Variants in CLASP2 observed in about 807,000 individuals in gnomAD.
CLASP2 encodes CLIP-associating protein 2.
In CLASP2, 47 loss-of-function variants were observed where a neutral mutation model predicts 194.4. The observed-to-expected ratio is 0.24, with a 90% CI of 0.19 to 0.31. CLASP2 has a LOEUF of 0.31. CLASP2 is among the 10% of genes least tolerant of loss of function. The pLI is 1.00. For missense variants in CLASP2, 1,445 were observed against 1,823.6 expected (o/e 0.79, Z 3.78); for synonymous variants, 619 against 633.5 (o/e 0.98, Z 0.34).
At chr3:33,716,622 C>G (rs1559727840) in intron 1 of CLASP2, among the ~76,000 whole-genome samples, 1 of 152,182 alleles carries the variant, frequency 6.6e-6, no homozygotes, top group African/African-American at 2.4e-5. Context: ...GTAAATTTAG[C>G]TTGTTTCTTC....
chr3:33,515,593 G>A (rs1173038457), intron 36 of CLASP2, among the ~76,000 whole-genome samples: 2 of 152,146 alleles, frequency 1.3e-5, no homozygotes, highest in African/African-American at 4.8e-5. Context: ...AGGCTGCAGT[G>A]AGCTGTGATC....
intron 1 of CLASP2, among the ~76,000 whole-genome samples, chr3:33,705,109 C>A (rs937556638): frequency 1.3e-5 from 2 of 152,142 alleles, no homozygotes; most frequent in Admixed American, 1.3e-4. Flanking sequence ...ATGTTCACTG[C>A]AGCATTATTC....
intron 20 of CLASP2, 133 bp from the exon 21 acceptor site, chr3:33,592,629 T>C: frequency 1.3e-6 from 1 of 753,884 alleles, no homozygotes; most frequent in Non-Finnish European, 2.2e-6. Flanking sequence ...CGGGTTCTAT[T>C]TCTCTTAAAA....
At chr3:33,587,595 G>C (rs1230059434) in intron 21 of CLASP2, among the ~76,000 whole-genome samples, 1 of 152,156 alleles carries the variant, frequency 6.6e-6, no homozygotes, top group Admixed American at 6.5e-5. Context: ...TTTACTGTCT[G>C]TATAGAAGGA....
Position 33,606,777 on chromosome 3 carries a change from A to T in CLASP2, c.1527-19T>A, listed in dbSNP as rs1260584223. 1 of 1,568,508 alleles carries T rather than the reference A, an allele frequency of 6.4e-7. No individual in the cohort carries two copies. The highest frequency in any genetic ancestry group is 1.8e-5 in the Admixed American group (1 of 55,012). ...GTATGTCCTGTTAAAAAAAAAGAAAAGCAGATGAAGTAATAGCTTTACATA... is the reference window on the plus strand; with the variant it reads ...GTATGTCCTGTTAAAAAAAAAGAAATGCAGATGAAGTAATAGCTTTACATA... On this transcript the variant is annotated intron_variant, in intron 15 of 38. Coordinates refer to ENST00000682230, the MANE Select transcript of CLASP2 (RefSeq NM_001365631.1).
chr3:33,497,424 A>G lies in CLASP2; in HGVS notation c.*1207T>C, dbSNP rs1171833655. 6.6e-6 allele frequency: 1 copy of G among 152,626 alleles called. No homozygotes were observed. Among genetic ancestry groups the G allele is most frequent in the Non-Finnish European group, 1.5e-5 (1 of 68,040 alleles). 9.5% of individuals were successfully genotyped at this position (152,626 alleles called of 1,614,324 possible). On this transcript the variant is annotated 3_prime_UTR_variant, in exon 39 of 39. Coordinates refer to ENST00000682230, the MANE Select transcript of CLASP2 (RefSeq NM_001365631.1). ...TAATTTTTGAGTCGGCTGCACATGAAAAGAATGGGTGTAGCAAGAGGTGAT... is the reference window on the plus strand; with the variant it reads ...TAATTTTTGAGTCGGCTGCACATGAGAAGAATGGGTGTAGCAAGAGGTGAT...
chr3:33,589,561 A>T (rs907984787), intron 21 of CLASP2, among the ~76,000 whole-genome samples: 24 of 152,186 alleles, frequency 1.6e-4, no homozygotes, highest in Non-Finnish European at 5.9e-5. Flanking sequence ...ATTCAAATAA[A>T]TAAGCAAGCA....
At chr3:33,505,904 A>T (rs1317778766) in intron 37 of CLASP2, among the ~76,000 whole-genome samples, 1 of 152,186 alleles carries the variant, frequency 6.6e-6, no homozygotes, top group Non-Finnish European at 1.5e-5. Flanking sequence ...AAATTAAAAA[A>T]ATTATCCAGG....
At chr3:33,708,520 A>G (rs1301700797) in intron 1 of CLASP2, among the ~76,000 whole-genome samples, 10 of 114,954 alleles carry the variant, frequency 8.7e-5, no homozygotes, top group African/African-American at 3.3e-4. Context: ...ATATATGTAT[A>G]TATGTATATA....
intron 34 of CLASP2, among the ~76,000 whole-genome samples, chr3:33,526,398 T>C (rs534067612): frequency 3.3e-5 from 5 of 152,248 alleles, no homozygotes; most frequent in Admixed American, 2.0e-4. Context: ...CATTACATAA[T>C]GGAAAAGGGT....
chr3:33,577,225 G>C (rs2065088454), intron 23 of CLASP2: 6 of 1,597,886 alleles, frequency 3.8e-6, no homozygotes, highest in Non-Finnish European at 4.2e-6. Flanking sequence ...CACTTCGGGG[G>C]CGTAGAGGGC....
chr3:33,656,023 A>G (rs1001772773), intron 7 of CLASP2, among the ~76,000 whole-genome samples: 13 of 152,168 alleles, frequency 8.5e-5, no homozygotes, highest in Non-Finnish European at 1.3e-4. Flanking sequence ...TAATAATCCT[A>G]CAGGTTTTTA....
Position 33,632,318 on chromosome 3 carries a change from C to T in CLASP2, c.916G>A (p.Ala306Thr). The change falls in exon 9 of 39, where the codon GCT (alanine) becomes ACT (threonine). Residue 306 changes from alanine (A) to threonine (T), a missense_variant. Physicochemically the swap from Ala to Thr is moderately conservative, Grantham distance 58. Transcript: ENST00000682230. The part of the protein sequence containing the change: ...GAVDEDDFIK[A>T]FTDVPSIQIY... Reference sequence around the variant, plus strand: ...TGAATAGAAGGGACATCTGTAAAAGCTTTTATAAAATCATCTTCATCAACT... The same window carrying T: ...TGAATAGAAGGGACATCTGTAAAAGTTTTTATAAAATCATCTTCATCAACT... The T allele has an allele frequency of 6.2e-7, 1 of 1,605,750 alleles. No individual in the cohort carries two copies. Among genetic ancestry groups the T allele is most frequent in the Non-Finnish European group, 8.5e-7 (1 of 1,176,494 alleles).
intron 24 of CLASP2, 67 bp from the exon 25 acceptor site, chr3:33,573,421 T>C (rs1281656084): frequency 6.7e-7 from 1 of 1,498,082 alleles, no homozygotes; most frequent in East Asian, 2.3e-5. Flanking sequence ...TAATTTCTAC[T>C]GACCACAAAA....
At chr3:33,514,630 C>G in intron 36 of CLASP2, 1 of 297,966 alleles carries the variant, frequency 3.4e-6, no homozygotes, top group Non-Finnish European at 7.0e-6. Context: ...CCTTACAGAA[C>G]TAAAAGTAGA....
At chr3:33,608,744 CTTTTTT>C (rs766687478) in intron 13 of CLASP2, 118 bp from the exon 14 acceptor site, 162 of 159,688 alleles carry the variant, frequency 1.0e-3, no homozygotes, top group Middle Eastern at 2.5e-3. Flanking sequence ...TTTTAGATAT[CTTTTTT>C]TTTTTTTTTT....
intron 9 of CLASP2, among the ~76,000 whole-genome samples, chr3:33,628,368 T>C (rs568298170): frequency 6.6e-6 from 1 of 152,224 alleles, no homozygotes; most frequent in African/African-American, 2.4e-5. Flanking sequence ...TGCATTCCCC[T>C]GGAACACAAT....
chr3:33,538,014 G>A (rs1023347512), intron 33 of CLASP2, among the ~76,000 whole-genome samples: 8 of 152,074 alleles, frequency 5.3e-5, no homozygotes, highest in Admixed American at 6.6e-5. Context: ...GGTGGCGGGC[G>A]CCTGTAGTCC....
Position 33,596,753 on chromosome 3 carries a change from C to A in CLASP2, c.1925-19G>T. 1.3e-6 allele frequency: 2 copies of A among 1,551,902 alleles called. No individual in the cohort carries two copies. The highest frequency in any genetic ancestry group is 8.7e-7 in the Non-Finnish European group (1 of 1,144,476). ...GTATCCTCTTTGATGAAAGCACAAG[C>A]AAAGAACAGAGGAAAACTTAGTATA... On this transcript the variant is annotated intron_variant, in intron 18 of 38. Coordinates refer to ENST00000682230, the MANE Select transcript of CLASP2 (RefSeq NM_001365631.1).
Sources: allele counts gnomAD v4.1 joint callset (sites outside exome capture counted in the v4.1 genomes callset), GRCh38; gene constraint gnomAD v4.1.1; transcripts MANE v1.5; gene names NCBI Gene and HGNC (gene_info 2026-07-23, HGNC 2026-07-21).